The following TRMT5 variants were observed in gnomAD, a reference collection of about 807,000 sequenced individuals.
TRMT5 encodes the protein tRNA methyltransferase 5.
TRMT5 carries 31 observed loss-of-function variants against 42.2 expected under a neutral mutation model. The observed-to-expected ratio is 0.73, with a 90% CI of 0.55 to 0.99. TRMT5 has a LOEUF of 0.99. Ranked by LOEUF, TRMT5 falls within the 50% of genes least tolerant of loss-of-function variation. The pLI is 0.00. For synonymous variants in TRMT5, 198 were observed against 209.6 expected (o/e 0.94, Z 0.48); for missense variants, 568 against 595.0 (o/e 0.95, Z 0.47).
chr14:60,976,894 T>A (rs2036855305), intron 3 of TRMT5, among the ~76,000 whole-genome samples: 1 of 152,204 alleles, frequency 6.6e-6, no homozygotes, highest in Non-Finnish European at 1.5e-5. Context: ...TCATGAAGTA[T>A]GACCTCAGCC....
rs943940225 is a variant in TRMT5 at position 60,974,107 on chromosome 14, TAAC to T, written c.*999_*1001del. 44 of 152,334 alleles carry T rather than the reference TAAC, an allele frequency of 2.9e-4. No individual in the cohort carries two copies. Among genetic ancestry groups the T allele is most frequent in the African/African-American group, 9.1e-4 (38 of 41,574 alleles). 9.4% of individuals were successfully genotyped at this position (152,334 alleles called of 1,614,324 possible). A position where few individuals can be genotyped will look rare whatever the true frequency, so the allele number is the denominator to read the frequency against. ...TTCACACCCTACTGTACTTTAAAAA[TAAC>T]AACAAAGTCCACTTTTCTTGTTTTG... On this transcript the variant is annotated 3_prime_UTR_variant, in exon 5 of 5. Coordinates refer to ENST00000261249, the MANE Select transcript of TRMT5 (RefSeq NM_020810.3).
rs146659739 is a variant in TRMT5, at chr14:60,978,633, G to A, written c.667+598C>T. ...GAAAGTTTATAAAATAGGAATGCCA[G>A]AGGAATGTTTGAGTTAGGGTAGGCA... On this transcript the variant is annotated intron_variant, in intron 2 of 4. Coordinates refer to ENST00000261249, the MANE Select transcript of TRMT5 (RefSeq NM_020810.3). Among the ~76,000 whole-genome samples the A allele has an allele frequency of 5.2e-3, 791 of 152,250 alleles. 5 individuals carry two copies. The highest frequency in any genetic ancestry group is 0.024 in the Middle Eastern group (7 of 294).
rs78274833 is a variant in TRMT5, at chr14:60,977,194, T to C, written c.792+320A>G. ...TCGAGAACTATTTTATACATACTGT[T>C]CTATAACTTGCTTTTTGTCACTTAT... is the stretch of plus-strand genomic sequence containing the variant. On this transcript the variant is annotated intron_variant, in intron 3 of 4. Transcript: ENST00000261249. Among the ~76,000 whole-genome samples the C allele has an allele frequency of 5.0e-3, 759 of 152,314 alleles. 2 individuals carry two copies. Among genetic ancestry groups the C allele is most frequent in the East Asian group, 0.029 (149 of 5,192 alleles).
chr14:60,975,611 T>G lies in TRMT5; in HGVS notation c.1308A>C (p.Gly436=). The change falls in exon 4 of 5, where the codon GGA becomes GGC. Residue 436 remains glycine, a synonymous_variant. Coordinates refer to ENST00000261249, the MANE Select transcript of TRMT5 (RefSeq NM_020810.3). ...NPAEDVRQRA[G]AVLGISLEAC... ...CCTCCAGAGAAATGCCTAACACAGCTCCAGCCCTTTGCCGAACATCCTCAG... is the reference window on the plus strand; with the variant it reads ...CCTCCAGAGAAATGCCTAACACAGCGCCAGCCCTTTGCCGAACATCCTCAG... 1 of 1,614,130 alleles carries G rather than the reference T, an allele frequency of 6.2e-7. No homozygotes were observed. Among genetic ancestry groups the G allele is most frequent in the South Asian group, 1.1e-5 (1 of 91,074 alleles).
At chr14:60,978,860 C>A (rs1272402616) in intron 2 of TRMT5, among the ~76,000 whole-genome samples, 4 of 152,168 alleles carry the variant, frequency 2.6e-5, no homozygotes, top group Non-Finnish European at 4.4e-5. Context: ...AAACATCTTG[C>A]ACTTTTGACT....
chr14:60,975,868 C>CTT lies in TRMT5; in HGVS notation c.1049_1050dup (p.Val351LysfsTer19). On this transcript the variant is annotated frameshift_variant, in exon 4 of 5. Coordinates refer to ENST00000261249, the MANE Select transcript of TRMT5 (RefSeq NM_020810.3). LOFTEE classifies it high-confidence loss of function. ...AAGTCTTTCCCATCCAAGTTGAAGA[C>CTT]TTTCACCTTTTGGTCCACTTTATTT... 1 of 1,614,190 alleles carries CTT rather than the reference C, an allele frequency of 6.2e-7. No individual in the cohort carries two copies. Among genetic ancestry groups the CTT allele is most frequent in the African/African-American group, 1.3e-5 (1 of 75,034 alleles).
chr14:60,972,591 A>T lies in TRMT5; in HGVS notation c.*2518T>A. On this transcript the variant is annotated 3_prime_UTR_variant, in exon 5 of 5. Coordinates refer to ENST00000261249, the MANE Select transcript of TRMT5 (RefSeq NM_020810.3). ...CACTGCTCCCACGCTTTTTTAATTG[A>T]CAAAATTCAAAATATAGCCCAATTT... 1 of 331,626 alleles carries T rather than the reference A, an allele frequency of 3.0e-6. No homozygotes were observed. The allele number at this position is 331,626 out of a possible 1,614,324, so 20.5% of individuals were successfully genotyped here.
chr14:60,980,577 G>A (rs1027695257), intron 1 of TRMT5, among the ~76,000 whole-genome samples: 5 of 152,156 alleles, frequency 3.3e-5, no homozygotes, highest in African/African-American at 1.2e-4. Context: ...CGAGAGCTTT[G>A]CTGATTGTTA....
At position 60,971,631 on chromosome 14, in the gene TRMT5, G is replaced by C. The variant is rs1177560277; in HGVS notation, c.*3478C>G. 3.2e-5 allele frequency: 6 copies of C among 190,092 alleles called. No individual in the cohort carries two copies. In the Admixed American group the frequency reaches 3.7e-4, roughly 12 times the overall value. The allele number at this position is 190,092 out of a possible 1,614,324, so 11.8% of individuals were successfully genotyped here. A position where few individuals can be genotyped will look rare whatever the true frequency, so the allele number is the denominator to read the frequency against. ...GTCCTCATCTGATGCTCTGAACAGG[G>C]AAAGTTTAGAGGGTTAACATTTCAC... On this transcript the variant is annotated 3_prime_UTR_variant, in exon 5 of 5. Transcript: ENST00000261249.
chr14:60,975,514 G>A lies in TRMT5; in HGVS notation c.1405C>T (p.Pro469Ser). 1 of 1,614,156 alleles carries A rather than the reference G, an allele frequency of 6.2e-7. No individual in the cohort carries two copies. The highest frequency in any genetic ancestry group is 8.5e-7 in the Non-Finnish European group (1 of 1,180,004). ...TGGTTCTTGTAGAGGACAGAGGCAGGAATCTGAAACGTGATGCACAGCATT... is the reference window on the plus strand; with the variant it reads ...TGGTTCTTGTAGAGGACAGAGGCAGAAATCTGAAACGTGATGCACAGCATT... ...KEMLCITFQI[P>S]ASVLYKNQTR... is the part of the protein sequence containing the mutation. The change falls in exon 4 of 5, where the codon CCT becomes TCT. Residue 469 changes from proline (P) to serine (S), a missense_variant. Pro to Ser is a moderately conservative substitution (Grantham distance 74). Transcript: ENST00000261249.
In TRMT5 at chr14:60,973,227, A is replaced by G. The variant is rs1464672799; in HGVS notation, c.*1882T>C. 6.6e-6 allele frequency: 1 copy of G among 152,236 alleles called. No homozygotes were observed. Among genetic ancestry groups the G allele is most frequent in the African/African-American group, 2.4e-5 (1 of 41,458 alleles). 9.4% of individuals were successfully genotyped at this position (152,236 alleles called of 1,614,324 possible). On this transcript the variant is annotated 3_prime_UTR_variant, in exon 5 of 5. Transcript: ENST00000261249. ...TGTTTTAGGCCATTCTTGCATTGCTATAAAGAAATACTTGATACTGGGTAA... is the reference window on the plus strand; with the variant it reads ...TGTTTTAGGCCATTCTTGCATTGCTGTAAAGAAATACTTGATACTGGGTAA...
At position 60,979,518 on chromosome 14, in the gene TRMT5, A is replaced by G. The variant is rs144547308; in HGVS notation, c.380T>C (p.Ile127Thr). Reference protein sequence around the residue: ...ALQRPGIRRVIEDPEDKESRL... With the variant: ...ALQRPGIRRVTEDPEDKESRL... Reference sequence around the variant, plus strand: ...ACTTTCTTTATCTTCCGGATCTTCAATCACACGTCTTATGCCTGGGCGCTG... The same window carrying G: ...ACTTTCTTTATCTTCCGGATCTTCAGTCACACGTCTTATGCCTGGGCGCTG... The change falls in exon 2 of 5, where the codon ATT (isoleucine) becomes ACT (threonine). Residue 127 changes from isoleucine to threonine, a missense_variant. Physicochemically the swap from Ile to Thr is moderately conservative, Grantham distance 89 (BLOSUM62 -1). Coordinates refer to ENST00000261249, the MANE Select transcript of TRMT5 (RefSeq NM_020810.3). 64 of 1,614,184 alleles carry G rather than the reference A, an allele frequency of 4.0e-5. No homozygotes were observed. The African/African-American group carries it at 6.5e-4, about 16-fold the overall frequency.
upstream of TRMT5, chr14:60,981,323 GTC>G (rs2036992496): frequency 1.2e-6 from 2 of 1,611,022 alleles, no homozygotes; most frequent in East Asian, 4.5e-5. Context: ...GGGCTGGTAT[GTC>G]TCTGTCCAGC....
chr14:60,980,866 G>A, intron 1 of TRMT5, 97 bp downstream of exon 1: 1 of 1,586,166 alleles, frequency 6.3e-7, no homozygotes, highest in Non-Finnish European at 8.6e-7. Flanking sequence ...GTGACCTCGC[G>A]ATGTTTCTGT....
intron 3 of TRMT5, among the ~76,000 whole-genome samples, chr14:60,977,076 CA>C (rs1275537551): frequency 6.6e-6 from 1 of 151,930 alleles, no homozygotes; most frequent in Non-Finnish European, 1.5e-5. Context: ...TGCTTCCGGC[CA>C]AATTATTAAG....
chr14:60,981,029 G>T lies in TRMT5; in HGVS notation c.-56C>A, dbSNP rs1015031212. 4 of 1,610,454 alleles carry T rather than the reference G, an allele frequency of 2.5e-6. No individual in the cohort carries two copies. In the East Asian group the frequency reaches 8.9e-5, roughly 36 times the overall value. Reference sequence around the variant, plus strand: ...TCCGCGAGCCGACCCCTCACCTCCCGCTCCGGTACCGATCGGATGTGGGTC... The same window carrying T: ...TCCGCGAGCCGACCCCTCACCTCCCTCTCCGGTACCGATCGGATGTGGGTC... On this transcript the variant is annotated 5_prime_UTR_variant, in exon 1 of 5. Coordinates refer to ENST00000261249, the MANE Select transcript of TRMT5 (RefSeq NM_020810.3).
At chr14:60,981,331 C>G (rs17097938), upstream of TRMT5, 57,844 of 1,610,550 alleles carry the variant, frequency 0.036, 1,137 homozygotes, top group East Asian at 0.082. Context: ...ATGTCTCTGT[C>G]CAGCAGCCTG....
chr14:60,979,348 C>T lies in TRMT5; in HGVS notation c.550G>A (p.Glu184Lys). The T allele has an allele frequency of 6.2e-7, 1 of 1,614,084 alleles. No homozygotes were observed. Among genetic ancestry groups the T allele is most frequent in the Non-Finnish European group, 8.5e-7 (1 of 1,179,994 alleles). Reference sequence around the variant, plus strand: ...TCAGGAAGCACAGCTCTCAAGATTTCTTCTGACTTAAAGTGTTCATATGTT... The same window carrying T: ...TCAGGAAGCACAGCTCTCAAGATTTTTTCTGACTTAAAGTGTTCATATGTT... ...ELTYEHFKSE[E>K]ILRAVLPEGQ... The change falls in exon 2 of 5, where the codon GAA becomes AAA. Residue 184 changes from glutamate to lysine, a missense_variant. Physicochemically the swap from Glu to Lys is moderately conservative, Grantham distance 56. Transcript: ENST00000261249.
rs1022078067 is a variant in TRMT5 at position 60,974,423 on chromosome 14, G to A, written c.*686C>T. 6.6e-6 allele frequency: 1 copy of A among 152,268 alleles called. No homozygotes were observed. The highest frequency in any genetic ancestry group is 2.4e-5 in the African/African-American group (1 of 41,424). The allele number at this position is 152,268 out of a possible 1,614,324, so 9.4% of individuals were successfully genotyped here. On this transcript the variant is annotated 3_prime_UTR_variant, in exon 5 of 5. Transcript: ENST00000261249. ...AGGATGACATGCAAATTCGTGAAGC[G>A]TTCCATATTAAAAACAAAAAACAGC...
Sources: allele counts gnomAD v4.1 joint callset (sites outside exome capture counted in the v4.1 genomes callset), GRCh38; gene constraint gnomAD v4.1.1; transcripts MANE v1.5; gene names NCBI Gene and HGNC (gene_info 2026-07-23, HGNC 2026-07-21).